ATP2A2: variants seen among roughly 807,000 people sequenced by gnomAD.
The protein encoded by ATP2A2 is ATPase sarcoplasmic/endoplasmic reticulum Ca2+ transporting 2, also known as sarcoplasmic/endoplasmic reticulum calcium ATPase 2.
A neutral mutation model predicts 109.3 loss-of-function variants in ATP2A2; 14 were observed. That is an observed-to-expected ratio of 0.13 (90% CI 0.08 to 0.20). ATP2A2 has a LOEUF of 0.20. Ranked by LOEUF, ATP2A2 falls within the 10% of genes least tolerant of loss-of-function variation. The pLI, the probability that ATP2A2 is intolerant of heterozygous loss-of-function variation, is 1.00. For missense variants in ATP2A2, 657 were observed against 1,321.6 expected (o/e 0.50, Z 7.80); for synonymous variants, 506 against 490.9 (o/e 1.03, Z -0.41).
chr12:110,307,145 C>T (rs1178813613), intron 5 of ATP2A2, among the ~76,000 whole-genome samples: 1 of 151,638 alleles, frequency 6.6e-6, no homozygotes, highest in Non-Finnish European at 1.5e-5. Flanking sequence ...GAGAAATCTC[C>T]AAACAGCTTT....
chr12:110,312,193 A>C (rs1351293555), intron 5 of ATP2A2, among the ~76,000 whole-genome samples: 4 of 151,994 alleles, frequency 2.6e-5, no homozygotes, highest in Admixed American at 6.6e-5. Context: ...TGTCTCCCAA[A>C]AAAAGTTCGG....
In ATP2A2 at chr12:110,347,493, C is replaced by CTAAT. The variant is rs749235088; in HGVS notation, c.*1025_*1028dup. On this transcript the variant is annotated 3_prime_UTR_variant, in exon 20 of 20. Coordinates refer to ENST00000539276, the MANE Select transcript of ATP2A2 (RefSeq NM_170665.4). ...GAATTGTATTCTTAATGTACAGGCA[C>CTAAT]TAATTGTCATCTGTGATGTACATTT... 5.4e-6 allele frequency: 7 copies of CTAAT among 1,289,050 alleles called. No homozygotes were observed. Among genetic ancestry groups the CTAAT allele is most frequent in the Admixed American group, 2.3e-5 (1 of 43,544 alleles). The allele number at this position is 1,289,050 out of a possible 1,614,324, so 79.9% of individuals were successfully genotyped here.
intron 5 of ATP2A2, among the ~76,000 whole-genome samples, chr12:110,305,036 C>T (rs990233915): frequency 1.3e-5 from 2 of 151,934 alleles, no homozygotes; most frequent in African/African-American, 2.4e-5. Context: ...TGGGTTCAAG[C>T]GATTCTCCCG....
At chr12:110,307,832 G>A (rs1443196890) in intron 5 of ATP2A2, among the ~76,000 whole-genome samples, 1 of 152,152 alleles carries the variant, frequency 6.6e-6, no homozygotes, top group Non-Finnish European at 1.5e-5. Flanking sequence ...CTTCTGCTGT[G>A]CAGAAACTCT....
At chr12:110,328,093 A>G in intron 8 of ATP2A2, 76 bp downstream of exon 8, 1 of 1,438,520 alleles carries the variant, frequency 7.0e-7, no homozygotes, top group Non-Finnish European at 9.6e-7. Context: ...TGCCATCAAA[A>G]CTTTTGATTT....
Position 110,342,551 on chromosome 12 carries a change from T to C in ATP2A2, c.2318+103T>C. On this transcript the variant is annotated intron_variant, in intron 15 of 19. Coordinates refer to ENST00000539276, the MANE Select transcript of ATP2A2 (RefSeq NM_170665.4). This position sits in a 1 kb window ranked among gnomAD's most constrained non-coding sequence, Gnocchi z 4.6. Reference sequence around the variant, plus strand: ...CTCCAGATTGCAGCAGCTTTGGTCTTTGTGCCTGAGTTGGAAGAGGGGAGT... The same window carrying C: ...CTCCAGATTGCAGCAGCTTTGGTCTCTGTGCCTGAGTTGGAAGAGGGGAGT... The C allele has an allele frequency of 1.5e-6, 2 of 1,363,024 alleles. No homozygotes were observed. The highest frequency in any genetic ancestry group is 2.1e-6 in the Non-Finnish European group (2 of 975,416). 84.4% of individuals were successfully genotyped at this position (1,363,024 alleles called of 1,614,324 possible).
rs746173614 is a variant in ATP2A2 at position 110,340,710 on chromosome 12, G to A, written c.1813G>A (p.Glu605Lys). ...GGGCATGCTGGATCCTCCGAGAATC[G>A]AGGTGGCCTCCTCCGTGAAGCTGTG... ...CVGMLDPPRI[E>K]VASSVKLCRQ... Residue 605 changes from glutamate (E) to lysine (K), a missense_variant, in exon 14 of 20, where the codon GAG becomes AAG. Transcript: ENST00000539276. This position sits in a 1 kb window ranked among gnomAD's most constrained non-coding sequence, Gnocchi z 6.0. 3 of 1,614,034 alleles carry A rather than the reference G, an allele frequency of 1.9e-6. No homozygotes were observed. Among genetic ancestry groups the A allele is most frequent in the Non-Finnish European group, 2.5e-6 (3 of 1,180,006 alleles).
Position 110,296,579 on chromosome 12 carries a change from TTC to T in ATP2A2, c.325-18_325-17del. 2 of 1,614,094 alleles carry T rather than the reference TTC, an allele frequency of 1.2e-6. No homozygotes were observed. Among genetic ancestry groups the T allele is most frequent in the Non-Finnish European group, 1.7e-6 (2 of 1,179,970 alleles). On this transcript the variant is annotated intron_variant, in intron 4 of 19. Transcript: ENST00000539276. ...AGTGTCAGGCAGGTCTTTACTACTC[TTC>T]TGTTTTCTTTTATACAGGAAAGAAA...
intron 5 of ATP2A2, among the ~76,000 whole-genome samples, chr12:110,313,609 C>G (rs1876340067): frequency 6.6e-6 from 1 of 150,992 alleles, no homozygotes; most frequent in Non-Finnish European, 1.5e-5. Flanking sequence ...GCCACCGCTG[C>G]TGGCCATGGG....
intron 5 of ATP2A2, among the ~76,000 whole-genome samples, chr12:110,309,676 C>T (rs1875791613): frequency 6.6e-6 from 1 of 151,960 alleles, no homozygotes; most frequent in African/African-American, 2.4e-5. Flanking sequence ...GAGGCCAAGG[C>T]ATGCAGATCA....
chr12:110,298,734 T>C (rs1874229546), intron 5 of ATP2A2, among the ~76,000 whole-genome samples: 1 of 152,146 alleles, frequency 6.6e-6, no homozygotes, highest in Non-Finnish European at 1.5e-5. Flanking sequence ...AAACAAATTT[T>C]CTGTTTTGAC....
rs1878597455 is a variant in ATP2A2 at position 110,334,066 on chromosome 12, C to T, written c.1342C>T (p.Leu448=). The T allele has an allele frequency of 1.9e-6, 3 of 1,614,074 alleles. No individual in the cohort carries two copies. Among genetic ancestry groups the T allele is most frequent in the Non-Finnish European group, 2.5e-6 (3 of 1,180,004 alleles). The change falls in exon 11 of 20, where the codon CTA becomes TTA. Residue 448 remains leucine (L), a synonymous_variant. Transcript: ENST00000539276. ...GEATETALTC[L]VEKMNVFDTE... is the part of the protein sequence containing the mutation. ...AGCTACAGAGACTGCTCTCACTTGCCTAGTAGAGAAGATGAATGTATTTGA... is the reference window on the plus strand; with the variant it reads ...AGCTACAGAGACTGCTCTCACTTGCTTAGTAGAGAAGATGAATGTATTTGA...
rs1879815363 is a variant in ATP2A2 at position 110,345,981 on chromosome 12, C to G, written c.2742-20C>G. ...GCCTTGCCTTGGGGGTGCGTTTCCC[C>G]ACCTCTCCTTGCTCTGCAGCTTGTC... On this transcript the variant is annotated intron_variant, in intron 18 of 19. Coordinates refer to ENST00000539276, the MANE Select transcript of ATP2A2 (RefSeq NM_170665.4). 1 of 1,613,308 alleles carries G rather than the reference C, an allele frequency of 6.2e-7. No homozygotes were observed.
In ATP2A2 at chr12:110,348,882, C is replaced by T; in HGVS notation, c.*2412C>T. ...AATGGGCCAAATGCAAGGAGTGCAT[C>T]TCTGGGCTGCAAACTGACTTGAGTG... On this transcript the variant is annotated 3_prime_UTR_variant, in exon 20 of 20. Transcript: ENST00000539276. The T allele has an allele frequency of 1.0e-6, 1 of 985,452 alleles. No homozygotes were observed. Among genetic ancestry groups the T allele is most frequent in the Non-Finnish European group, 1.2e-6 (1 of 829,944 alleles). The allele number at this position is 985,452 out of a possible 1,614,324, so 61.0% of individuals were successfully genotyped here.
Position 110,350,907 on chromosome 12 carries a change from T to G in ATP2A2, c.*4437T>G, listed in dbSNP as rs1031459629. 6.5e-6 allele frequency: 1 copy of G among 154,450 alleles called. No individual in the cohort carries two copies. Among genetic ancestry groups the G allele is most frequent in the Non-Finnish European group, 1.4e-5 (1 of 69,392 alleles). 9.6% of individuals were successfully genotyped at this position (154,450 alleles called of 1,614,324 possible). On this transcript the variant is annotated 3_prime_UTR_variant, in exon 20 of 20. Coordinates refer to ENST00000539276, the MANE Select transcript of ATP2A2 (RefSeq NM_170665.4). ...ACTTATTTAATGAAATCAGAAGCAG[T>G]AGACAGATGTTGGTGCAATACAAAT...
intron 3 of ATP2A2, 57 bp downstream of exon 3, chr12:110,282,852 TA>T (rs1299380961): frequency 2.0e-5 from 29 of 1,419,042 alleles, no homozygotes; most frequent in Non-Finnish European, 2.8e-5. Context: ...ATTCCATAGA[TA>T]AATCAGAAAA....
At chr12:110,293,863 T>TGC (rs1191350048) in intron 4 of ATP2A2, among the ~76,000 whole-genome samples, 1 of 125,954 alleles carries the variant, frequency 7.9e-6, no homozygotes, top group East Asian at 2.0e-4. Flanking sequence ...TGTGTGTGTG[T>TGC]GTATATATTT....
At chr12:110,344,126 C>CCTT (rs1879616647) in intron 16 of ATP2A2, among the ~76,000 whole-genome samples, 1 of 152,156 alleles carries the variant, frequency 6.6e-6, no homozygotes, top group Non-Finnish European at 1.5e-5. Flanking sequence ...CCTTGTCTTG[C>CCTT]CTTCTTCCTG....
chr12:110,308,832 A>G (rs1422677808), intron 5 of ATP2A2, among the ~76,000 whole-genome samples: 2 of 152,188 alleles, frequency 1.3e-5, no homozygotes. Context: ...TGACTTTTAT[A>G]TTTTCATTTA....
Sources: gnomAD v4.1 joint callset for allele counts (sites outside exome capture counted in the v4.1 genomes callset) on GRCh38, gnomAD v4.1.1 for gene constraint, Gnocchi (gnomAD v3.1) non-coding constraint, MANE v1.5 for transcripts, NCBI Gene and HGNC (gene_info 2026-07-23, HGNC 2026-07-21) for gene names.